Variants in CCDC80 observed in about 807,000 individuals in gnomAD.
CCDC80 encodes coiled-coil domain-containing protein 80.
A neutral mutation model predicts 78.7 loss-of-function variants in CCDC80; 49 were observed. The observed-to-expected ratio is 0.62, with a 90% CI of 0.50 to 0.79. The LOEUF is 0.79. Ranked by LOEUF, CCDC80 falls within the 30% of genes least tolerant of loss-of-function variation. The probability of loss-of-function intolerance (pLI) is 0.00; values close to 1 mark genes in which losing one functional copy is unlikely to be tolerated. For synonymous variants in CCDC80, 488 were observed against 447.0 expected (o/e 1.09, Z -1.16); for missense variants, 1,205 against 1,198.6 (o/e 1.01, Z -0.08).
At chr3:112,616,946 G>A (rs2107478810) in intron 4 of CCDC80, 88 bp from the exon 5 acceptor site, 1 of 1,334,960 alleles carries the variant, frequency 7.5e-7, no homozygotes, top group Non-Finnish European at 1.0e-6. Flanking sequence ...GAATTCAGAG[G>A]AGCTCTGGGG....
intron 4 of CCDC80, among the ~76,000 whole-genome samples, chr3:112,617,635 G>T (rs529860228): frequency 6.6e-6 from 1 of 152,338 alleles, no homozygotes; most frequent in African/African-American, 2.4e-5. Context: ...ATTAACTAAT[G>T]ATGCCATTTC....
chr3:112,605,810 A>G (rs1370852950), intron 7 of CCDC80, 47 bp from the exon 8 acceptor site: 1 of 1,480,224 alleles, frequency 6.8e-7, no homozygotes. Context: ...AAACAGTCAG[A>G]GCCCATGAAA....
At chr3:112,616,393 T>G (rs1440189486) in intron 5 of CCDC80, among the ~76,000 whole-genome samples, 1 of 149,036 alleles carries the variant, frequency 6.7e-6, no homozygotes, top group African/African-American at 2.5e-5. Context: ...AAATTAACTT[T>G]CTTGGGAGGT....
Position 112,639,631 on chromosome 3 carries a change from G to A in CCDC80, c.275C>T (p.Pro92Leu). The change falls in exon 2 of 8, where the codon CCA becomes CTA. Residue 92 changes from proline to leucine, a missense_variant. Pro to Leu is a moderately conservative substitution (Grantham distance 98). Transcript: ENST00000206423. The part of the protein sequence containing the change: ...VLRLARPTEP[P>L]ARSDINGAAV... The stretch of plus-strand genomic sequence containing the variant: ...GGCCCCATTGATGTCCGAGCGGGCT[G>A]GCGGCTCTGTTGGGCGAGCTAGTCT... 1 of 1,614,144 alleles carries A rather than the reference G, an allele frequency of 6.2e-7. No individual in the cohort carries two copies. The highest frequency in any genetic ancestry group is 8.5e-7 in the Non-Finnish European group (1 of 1,180,044).
At chr3:112,611,622 G>A (rs1190910299) in intron 5 of CCDC80, among the ~76,000 whole-genome samples, 3 of 152,176 alleles carry the variant, frequency 2.0e-5, no homozygotes, top group East Asian at 1.9e-4. Context: ...CAGGTCCAGC[G>A]GTTTCCCCGA....
At chr3:112,626,811 G>T (rs368110160) in intron 3 of CCDC80, among the ~76,000 whole-genome samples, 3 of 152,276 alleles carry the variant, frequency 2.0e-5, no homozygotes, top group Admixed American at 1.3e-4. Flanking sequence ...GCCTCCCAAA[G>T]TATTGGGATT....
rs1301562885 is a variant in CCDC80 at position 112,600,219 on chromosome 3, T to A, written c.*5198A>T. 1 of 152,232 alleles carries A rather than the reference T, an allele frequency of 6.6e-6. No individual in the cohort carries two copies. Among genetic ancestry groups the A allele is most frequent in the Non-Finnish European group, 1.5e-5 (1 of 68,038 alleles). 9.4% of individuals were successfully genotyped at this position (152,232 alleles called of 1,614,324 possible). ...TTCACCAATAGCATCCTCCTCTGAA[T>A]GTATTTTGGTCCTTTTGCTAAGCTA... is the stretch of plus-strand genomic sequence containing the variant. On this transcript the variant is annotated 3_prime_UTR_variant, in exon 8 of 8. Transcript: ENST00000206423.
rs527654945 is a variant in CCDC80, at chr3:112,610,464, T to C, written c.2322-383A>G. Among the ~76,000 whole-genome samples, 27 of 152,242 alleles carry C rather than the reference T, an allele frequency of 1.8e-4. No homozygotes were observed. The East Asian group carries it at 5.2e-3, about 29-fold the overall frequency. The stretch of plus-strand genomic sequence containing the variant: ...GACAACTGAAGAGAACTCGTCTTAG[T>C]GGAGTTACTGCTAGAGTTTAGAGGG... On this transcript the variant is annotated intron_variant, in intron 5 of 7. Transcript: ENST00000206423.
intron 3 of CCDC80, among the ~76,000 whole-genome samples, chr3:112,627,059 A>G (rs112435809): frequency 0.024 from 3,691 of 152,260 alleles, 74 homozygotes; most frequent in Non-Finnish European, 0.037. Context: ...TTTGGTGATA[A>G]AATGCCAATG....
At position 112,639,924 on chromosome 3, in the gene CCDC80, A is replaced by G; in HGVS notation, c.-11-8T>C. 1.9e-6 allele frequency: 3 copies of G among 1,604,998 alleles called. No homozygotes were observed. The highest frequency in any genetic ancestry group is 2.6e-6 in the Non-Finnish European group (3 of 1,173,660). On this transcript the variant is annotated splice_polypyrimidine_tract_variant and splice_region_variant and intron_variant, in intron 1 of 7. Transcript: ENST00000206423. ...ATGTCATTGTGTAATCCACTTTGCGATGCACGGAGGTCATAAAACAAAGGG... is the reference window on the plus strand; with the variant it reads ...ATGTCATTGTGTAATCCACTTTGCGGTGCACGGAGGTCATAAAACAAAGGG...
Position 112,600,622 on chromosome 3 carries a change from C to T in CCDC80, c.*4795G>A, listed in dbSNP as rs977941725. 1 of 152,280 alleles carries T rather than the reference C, an allele frequency of 6.6e-6. No individual in the cohort carries two copies. The highest frequency in any genetic ancestry group is 1.5e-5 in the Non-Finnish European group (1 of 68,168). 9.4% of individuals were successfully genotyped at this position (152,280 alleles called of 1,614,324 possible). Reference sequence around the variant, plus strand: ...GCTCAAGCGATTCTCTCACTTCAGCCTCCTGAATAGCTGGGACCACAGACA... The same window carrying T: ...GCTCAAGCGATTCTCTCACTTCAGCTTCCTGAATAGCTGGGACCACAGACA... On this transcript the variant is annotated 3_prime_UTR_variant, in exon 8 of 8. Coordinates refer to ENST00000206423, the MANE Select transcript of CCDC80 (RefSeq NM_199511.3).
At position 112,604,486 on chromosome 3, in the gene CCDC80, A is replaced by G. The variant is rs1203274087; in HGVS notation, c.*931T>C. 1 of 146,854 alleles carries G rather than the reference A, an allele frequency of 6.8e-6. No homozygotes were observed. The highest frequency in any genetic ancestry group is 6.8e-5 in the Admixed American group (1 of 14,622). 9.1% of individuals were successfully genotyped at this position (146,854 alleles called of 1,614,324 possible). A position where few individuals can be genotyped will look rare whatever the true frequency, so the allele number is the denominator to read the frequency against. On this transcript the variant is annotated 3_prime_UTR_variant, in exon 8 of 8. Coordinates refer to ENST00000206423, the MANE Select transcript of CCDC80 (RefSeq NM_199511.3). ...AATAAAACATGTACATTTTTTGGAC[A>G]TAAAGCTATTATACACTTAATAGAC...
At chr3:112,615,317 A>T (rs1935711677) in intron 5 of CCDC80, among the ~76,000 whole-genome samples, 1 of 152,140 alleles carries the variant, frequency 6.6e-6, no homozygotes, top group Admixed American at 6.5e-5. Context: ...ATGAGTAAAG[A>T]TTCTGCTTGG....
At chr3:112,636,867 TA>T (rs1936218419) in intron 2 of CCDC80, among the ~76,000 whole-genome samples, 1 of 152,234 alleles carries the variant, frequency 6.6e-6, no homozygotes, top group Non-Finnish European at 1.5e-5. Flanking sequence ...ATTGATCTTT[TA>T]CTCAGAATTA....
At chr3:112,619,465 C>A (rs566256236) in intron 3 of CCDC80, among the ~76,000 whole-genome samples, 1 of 152,056 alleles carries the variant, frequency 6.6e-6, no homozygotes, top group African/African-American at 2.4e-5. Context: ...GGAACTGGAC[C>A]GACCCAGACA....
At chr3:112,622,914 G>A (rs899622377) in intron 3 of CCDC80, among the ~76,000 whole-genome samples, 4 of 148,576 alleles carry the variant, frequency 2.7e-5, no homozygotes, top group African/African-American at 1.0e-4. Context: ...GACCTCAAGT[G>A]ATTCACCCAC....
intron 5 of CCDC80, among the ~76,000 whole-genome samples, chr3:112,610,777 G>C (rs1192797303): frequency 6.6e-6 from 1 of 152,082 alleles, no homozygotes; most frequent in Non-Finnish European, 1.5e-5. Context: ...AGAATATATA[G>C]TAAACTTAGT....
At chr3:112,612,842 A>G (rs551168539) in intron 5 of CCDC80, among the ~76,000 whole-genome samples, 1 of 150,340 alleles carries the variant, frequency 6.7e-6, no homozygotes, top group Admixed American at 6.6e-5. Flanking sequence ...CCATTTGGAT[A>G]CTGGTTTAAT....
intron 2 of CCDC80, among the ~76,000 whole-genome samples, chr3:112,634,673 A>G (rs1439671362): frequency 6.6e-6 from 1 of 152,172 alleles, no homozygotes; most frequent in African/African-American, 2.4e-5. Context: ...TTGACAATGA[A>G]TTTTTAAATG....
Sources: gnomAD v4.1 joint callset for allele counts (sites outside exome capture counted in the v4.1 genomes callset) on GRCh38, gnomAD v4.1.1 for gene constraint, MANE v1.5 for transcripts, NCBI Gene and HGNC (gene_info 2026-07-23, HGNC 2026-07-21) for gene names.